Variants in CEP112 observed in about 807,000 individuals in gnomAD.
CEP112 encodes centrosomal protein 112, also known as centrosomal protein of 112 kDa.
Under a neutral mutation model 153.0 loss-of-function variants are expected in CEP112, and 127 were observed. The observed-to-expected ratio is 0.83, with a 90% CI of 0.72 to 0.96. The LOEUF (loss-of-function observed/expected upper bound fraction) is 0.96. Ranked by LOEUF, CEP112 falls within the 40% of genes least tolerant of loss-of-function variation. The pLI is 0.00. For missense variants in CEP112, 1,089 were observed against 1,101.2 expected, an observed-to-expected ratio of 0.99 and a Z score of 0.16; for synonymous variants, 358 against 374.4, an observed-to-expected ratio of 0.96 and a Z score of 0.51.
chr17:65,676,305 G>T (rs2047231703), intron 24 of CEP112, among the ~76,000 whole-genome samples: 1 of 149,290 alleles, frequency 6.7e-6, no homozygotes, highest in Non-Finnish European at 1.5e-5. Context: ...TCCAGCCTGG[G>T]TGAAAGAGTG....
chr17:65,810,736 GA>G (rs2055900777), intron 21 of CEP112, among the ~76,000 whole-genome samples: 1 of 151,704 alleles, frequency 6.6e-6, no homozygotes, highest in African/African-American at 2.4e-5. Flanking sequence ...ATGTATCAGA[GA>G]GAAAAATATT....
chr17:65,864,777 A>G (rs9897025), intron 20 of CEP112, among the ~76,000 whole-genome samples: 21,923 of 152,086 alleles, frequency 0.14, 1,631 homozygotes, highest in African/African-American at 0.17. Context: ...CCGCAGGACC[A>G]AAAACCTCCC....
chr17:66,087,637 A>C (rs1568476538), intron 8 of CEP112, among the ~76,000 whole-genome samples: 1 of 152,228 alleles, frequency 6.6e-6, no homozygotes, highest in Non-Finnish European at 1.5e-5. Context: ...ATTTGAACAT[A>C]AACATGCACA....
intron 17 of CEP112, among the ~76,000 whole-genome samples, chr17:65,971,051 T>C (rs1354706979): frequency 6.6e-6 from 1 of 152,234 alleles, no homozygotes; most frequent in South Asian, 2.1e-4. Context: ...TTGTATTACA[T>C]GTCTATTACA....
intron 17 of CEP112, among the ~76,000 whole-genome samples, chr17:65,969,554 G>C (rs1157111265): frequency 6.6e-6 from 1 of 151,204 alleles, no homozygotes; most frequent in Non-Finnish European, 1.5e-5. Context: ...AATGAATATT[G>C]TGTGCATGTA....
At chr17:65,683,740 T>C (rs2047645505) in intron 24 of CEP112, among the ~76,000 whole-genome samples, 1 of 152,126 alleles carries the variant, frequency 6.6e-6, no homozygotes, top group Non-Finnish European at 1.5e-5. Context: ...CTCCAAGCCA[T>C]TTAGTAAAAG....
At chr17:65,722,249 T>C (rs972403609) in intron 23 of CEP112, among the ~76,000 whole-genome samples, 19 of 152,052 alleles carry the variant, frequency 1.2e-4, no homozygotes, top group African/African-American at 4.6e-4. Flanking sequence ...CAATTTTCTT[T>C]CTTTCTTTCT....
chr17:66,179,736 C>A (rs118019482), intron 2 of CEP112, among the ~76,000 whole-genome samples: 1 of 152,032 alleles, frequency 6.6e-6, no homozygotes, highest in South Asian at 2.1e-4. Flanking sequence ...TGAATAACAG[C>A]GGTGAAAGTG....
chr17:65,696,607 C>A (rs557287490), intron 23 of CEP112, among the ~76,000 whole-genome samples: 1 of 152,050 alleles, frequency 6.6e-6, no homozygotes, highest in Non-Finnish European at 1.5e-5. Flanking sequence ...AGGGGACTTG[C>A]GAGCTGCAAG....
intron 4 of CEP112, among the ~76,000 whole-genome samples, chr17:66,153,439 G>A (rs184834627): frequency 7.2e-6 from 1 of 138,874 alleles, no homozygotes; most frequent in East Asian, 2.1e-4. Context: ...ATAGGACTAC[G>A]TATTACCCAT....
intron 11 of CEP112, among the ~76,000 whole-genome samples, chr17:66,060,306 A>C (rs1658188189): frequency 6.6e-6 from 1 of 152,192 alleles, no homozygotes; most frequent in Non-Finnish European, 1.5e-5. Context: ...TATTTTAAAA[A>C]ATGAAATAAA....
intron 6 of CEP112, among the ~76,000 whole-genome samples, chr17:66,098,677 G>T (rs752655980): frequency 6.6e-6 from 1 of 152,120 alleles, no homozygotes; most frequent in Non-Finnish European, 1.5e-5. Context: ...TCGTGTGGAC[G>T]CCAGATCCTA....
At chr17:65,947,406 T>G (rs1191240959) in intron 18 of CEP112, among the ~76,000 whole-genome samples, 2 of 152,148 alleles carry the variant, frequency 1.3e-5, no homozygotes, top group Non-Finnish European at 2.9e-5. Context: ...TGTTGAATCC[T>G]TTGACTGGCC....
At chr17:65,986,169 AG>A (rs145823551) in intron 17 of CEP112, among the ~76,000 whole-genome samples, 9,824 of 152,166 alleles carry the variant, frequency 0.065, 456 homozygotes, top group South Asian at 0.12. Flanking sequence ...AGAAAGAGAA[AG>A]GGGGAAAAAA....
intron 4 of CEP112, among the ~76,000 whole-genome samples, chr17:66,162,673 G>A (rs913792515): frequency 2.6e-5 from 4 of 152,096 alleles, no homozygotes; most frequent in African/African-American, 2.4e-5. Flanking sequence ...AAGGGAACAC[G>A]CTTTATGAAT....
rs1260732134 is a variant in CEP112 at position 65,647,906 on chromosome 17, C to A, written c.2698-6841G>T. ...TGGAACTGCTTGACTATGAAACAAT[C>A]TGGCCTTACAACAGACCATGAAGCA... On this transcript the variant is annotated intron_variant, in intron 24 of 26. Coordinates refer to ENST00000535342, the MANE Select transcript of CEP112 (RefSeq NM_001199165.4). 3.3e-5 allele frequency among the ~76,000 whole-genome samples: 5 copies of A among 152,274 alleles called. No homozygotes were observed. In the South Asian group the frequency reaches 8.3e-4, roughly 25 times the overall value.
At chr17:66,170,678 G>A (rs1484485110) in intron 4 of CEP112, among the ~76,000 whole-genome samples, 2 of 152,016 alleles carry the variant, frequency 1.3e-5, no homozygotes, top group Non-Finnish European at 2.9e-5. Context: ...CAGAAGAATC[G>A]CTTGAACCTG....
chr17:66,060,634 T>G (rs1052583505), intron 11 of CEP112, among the ~76,000 whole-genome samples: 14 of 152,002 alleles, frequency 9.2e-5, no homozygotes, highest in Admixed American at 3.9e-4. Context: ...TTGACAAAAA[T>G]GCCAAGAACA....
At position 65,970,934 on chromosome 17, in the gene CEP112, A is replaced by T. The variant is rs561541340; in HGVS notation, c.1737-9336T>A. Among the ~76,000 whole-genome samples the T allele has an allele frequency of 1.8e-4, 28 of 152,280 alleles. 1 individual carries two copies. In the South Asian group the frequency reaches 5.8e-3, roughly 32 times the overall value. ...TATGTTGCATGTATGCAGTTATTGC[A>T]CCCATATTATATTACATACCTATTA... On this transcript the variant is annotated intron_variant, in intron 17 of 26. Coordinates refer to ENST00000535342, the MANE Select transcript of CEP112 (RefSeq NM_001199165.4).
Sources: gnomAD v4.1 joint callset for allele counts (sites outside exome capture counted in the v4.1 genomes callset) on GRCh38, gnomAD v4.1.1 for gene constraint, MANE v1.5 for transcripts, NCBI Gene and HGNC (gene_info 2026-07-23, HGNC 2026-07-21) for gene names.